RIMBP2: variants seen among roughly 807,000 people sequenced by gnomAD.
RIMBP2 encodes RIMS-binding protein 2.
A neutral mutation model predicts 118.6 loss-of-function variants in RIMBP2; 48 were observed. The observed-to-expected ratio is 0.40, with a 90% CI of 0.32 to 0.51. The LOEUF is 0.51. Ranked by LOEUF, RIMBP2 falls within the 20% of genes least tolerant of loss-of-function variation. The pLI, the probability that RIMBP2 is intolerant of heterozygous loss-of-function variation, is 0.41. For missense variants in RIMBP2, 1,551 were observed against 1,768.3 expected (o/e 0.88, Z 2.20); for synonymous variants, 762 against 742.9 (o/e 1.03, Z -0.42).
chr12:130,539,401 G>A (rs2054363684), intron 2 of RIMBP2, among the ~76,000 whole-genome samples: 1 of 152,230 alleles, frequency 6.6e-6, no homozygotes, highest in South Asian at 2.1e-4. Context: ...TGATGTCTGA[G>A]CAAAGATGTG....
chr12:130,400,194 C>G (rs1375777625), intron 21 of RIMBP2, among the ~76,000 whole-genome samples: 2 of 152,154 alleles, frequency 1.3e-5, no homozygotes, highest in African/African-American at 4.8e-5. Context: ...GCTCAGCACA[C>G]CAGCCCAGAC....
In RIMBP2 at chr12:130,646,425, C is replaced by G. The variant is rs1185695567; in HGVS notation, c.-351-17969G>C. Among the ~76,000 whole-genome samples, 372 of 113,762 alleles carry G rather than the reference C, an allele frequency of 3.3e-3. 112 individuals are homozygous for G. The highest frequency in any genetic ancestry group is 4.2e-3 in the Non-Finnish European group (202 of 47,626). 74.6% of individuals were successfully genotyped at this position (113,762 alleles called of 152,430 possible). ...TGCCTCTCCACCTCCCTCACCACTTCCCTCTCCACCTCCCTTGCCACCTCC... is the reference window on the plus strand; with the variant it reads ...TGCCTCTCCACCTCCCTCACCACTTGCCTCTCCACCTCCCTTGCCACCTCC... On this transcript the variant is annotated intron_variant, in intron 1 of 22. Coordinates refer to ENST00000690449, the MANE Select transcript of RIMBP2 (RefSeq NM_001393629.1).
At chr12:130,435,014 T>A in intron 13 of RIMBP2, 134 bp from the exon 14 acceptor site, 1 of 842,602 alleles carries the variant, frequency 1.2e-6, no homozygotes. Context: ...TGGGCCCAGC[T>A]CTGCCGCCCT....
chr12:130,491,304 C>T (rs2048618444), intron 4 of RIMBP2, among the ~76,000 whole-genome samples: 1 of 152,168 alleles, frequency 6.6e-6, no homozygotes, highest in Non-Finnish European at 1.5e-5. Flanking sequence ...CCAGCTAGGC[C>T]AGGCTCAAGC....
intron 2 of RIMBP2, among the ~76,000 whole-genome samples, chr12:130,579,630 G>A (rs1223762409): frequency 2.6e-5 from 4 of 152,108 alleles, no homozygotes; most frequent in Non-Finnish European, 4.4e-5. Flanking sequence ...CAGCAAACCT[G>A]GAGGTGGTCT....
chr12:130,445,598 G>A (rs916641227), intron 9 of RIMBP2, among the ~76,000 whole-genome samples: 2 of 152,192 alleles, frequency 1.3e-5, no homozygotes, highest in African/African-American at 4.8e-5. Context: ...TTAGCAAGCA[G>A]ATGTGAAGAA....
chr12:130,436,574 G>A (rs1473703405), intron 13 of RIMBP2, among the ~76,000 whole-genome samples: 1 of 152,188 alleles, frequency 6.6e-6, no homozygotes, highest in Admixed American at 6.5e-5. Context: ...GGCCATGTCT[G>A]GATTCTTCTG....
intron 2 of RIMBP2, among the ~76,000 whole-genome samples, chr12:130,582,594 A>G (rs778185675): frequency 6.6e-6 from 1 of 152,240 alleles, no homozygotes; most frequent in Non-Finnish European, 1.5e-5. Flanking sequence ...TTCTTAAGCC[A>G]TAACATCTTA....
At chr12:130,641,870 C>T (rs931027967) in intron 1 of RIMBP2, among the ~76,000 whole-genome samples, 4 of 152,124 alleles carry the variant, frequency 2.6e-5, no homozygotes, top group Admixed American at 6.5e-5. Flanking sequence ...GTGACAATGA[C>T]AGCTCGCCAG....
At chr12:130,549,864 G>C (rs573489816) in intron 2 of RIMBP2, among the ~76,000 whole-genome samples, 21 of 152,064 alleles carry the variant, frequency 1.4e-4, no homozygotes, top group Non-Finnish European at 2.9e-4. Context: ...ATTCCTCTGG[G>C]TATATATCCA....
Position 130,469,541 on chromosome 12 carries a change from C to T in RIMBP2, c.153+1152G>A, listed in dbSNP as rs746010463. Among the ~76,000 whole-genome samples, 1 of 152,142 alleles carries T rather than the reference C, an allele frequency of 6.6e-6. No individual in the cohort carries two copies. Among genetic ancestry groups the T allele is most frequent in the Non-Finnish European group, 1.5e-5 (1 of 68,028 alleles). On this transcript the variant is annotated intron_variant, in intron 6 of 22. Transcript: ENST00000690449. This position sits in a 1 kb window ranked among gnomAD's most constrained non-coding sequence, Gnocchi z 4.8. ...CATTTGGAGGTCTGTTTCTATTCTC[C>T]CAGGTTATATATTTTCCTATTTGCT...
chr12:130,462,988 C>T (rs1209386400), intron 6 of RIMBP2, among the ~76,000 whole-genome samples: 1 of 152,252 alleles, frequency 6.6e-6, no homozygotes, highest in Non-Finnish European at 1.5e-5. Flanking sequence ...TTGCACCTTT[C>T]CTTTAGGCTC....
At chr12:130,563,396 C>T (rs977001209) in intron 2 of RIMBP2, among the ~76,000 whole-genome samples, 1 of 152,210 alleles carries the variant, frequency 6.6e-6, no homozygotes, top group African/African-American at 2.4e-5. Flanking sequence ...AAGAATAGAT[C>T]AAAGGATTGC....
intron 4 of RIMBP2, among the ~76,000 whole-genome samples, chr12:130,504,400 G>A (rs2050106732): frequency 1.3e-5 from 2 of 152,156 alleles, no homozygotes; most frequent in South Asian, 4.1e-4. Context: ...CAGGTTGATT[G>A]AAACTCTGTT....
chr12:130,496,708 G>A (rs2049200879), intron 4 of RIMBP2, among the ~76,000 whole-genome samples: 1 of 152,158 alleles, frequency 6.6e-6, no homozygotes, highest in Non-Finnish European at 1.5e-5. Context: ...TTTCCTGCCT[G>A]TGATGGCCTC....
At chr12:130,492,796 T>A (rs2138474394) in intron 4 of RIMBP2, among the ~76,000 whole-genome samples, 1 of 152,306 alleles carries the variant, frequency 6.6e-6, no homozygotes, top group East Asian at 1.9e-4. Context: ...CCGTCCTTCC[T>A]AGGTTGTCGC....
chr12:130,566,175 G>A (rs1295674807), intron 2 of RIMBP2, among the ~76,000 whole-genome samples: 2 of 148,122 alleles, frequency 1.4e-5, no homozygotes, highest in Admixed American at 6.8e-5. Context: ...ATACACACAT[G>A]CACACACACA....
chr12:130,626,723 A>G (rs1276022380), intron 2 of RIMBP2, among the ~76,000 whole-genome samples: 2 of 150,506 alleles, frequency 1.3e-5, no homozygotes, highest in Non-Finnish European at 2.9e-5. Flanking sequence ...CTCCATCACC[A>G]CAACTACCGC....
chr12:130,675,849 C>T (rs1444321070), intron 1 of RIMBP2, among the ~76,000 whole-genome samples: 1 of 152,196 alleles, frequency 6.6e-6, no homozygotes, highest in Non-Finnish European at 1.5e-5. Flanking sequence ...AAACGCACTG[C>T]CATGGTCTGA....
Sources: allele counts gnomAD v4.1 joint callset (sites outside exome capture counted in the v4.1 genomes callset), GRCh38; gene constraint gnomAD v4.1.1; non-coding constraint Gnocchi (gnomAD v3.1); transcripts MANE v1.5; gene names NCBI Gene and HGNC (gene_info 2026-07-23, HGNC 2026-07-21).